Variants in EPHA7 observed in about 807,000 individuals in gnomAD.
EPHA7 encodes ephrin type-A receptor 7.
A neutral mutation model predicts 112.6 loss-of-function variants in EPHA7; 25 were observed. The observed-to-expected ratio is 0.22, with a 90% CI of 0.16 to 0.31. EPHA7 has a LOEUF of 0.31. EPHA7 is among the 10% of genes least tolerant of loss of function. The probability of loss-of-function intolerance (pLI) is 1.00; values close to 1 mark genes in which losing one functional copy is unlikely to be tolerated. For synonymous variants in EPHA7, 437 were observed against 406.5 expected (o/e 1.07, Z -0.90); for missense variants, 962 against 1,212.6 (o/e 0.79, Z 3.07).
Position 93,240,488 on chromosome 6 carries a change from G to A in EPHA7, c.*2938C>T. The A allele has an allele frequency of 4.6e-6, 1 of 218,232 alleles. No individual in the cohort carries two copies. Among genetic ancestry groups the A allele is most frequent in the Non-Finnish European group, 9.2e-6 (1 of 108,784 alleles). 13.5% of individuals were successfully genotyped at this position (218,232 alleles called of 1,614,324 possible). A position where few individuals can be genotyped will look rare whatever the true frequency, so the allele number is the denominator to read the frequency against. ...TATACAATATGATTCAACTAATAGT[G>A]CTCTGACAAGCATAAACCACCAGTT... On this transcript the variant is annotated 3_prime_UTR_variant, in exon 17 of 17. Transcript: ENST00000369303.
chr6:93,371,693 A>G (rs1318292854), intron 3 of EPHA7, among the ~76,000 whole-genome samples: 1 of 152,234 alleles, frequency 6.6e-6, no homozygotes, highest in East Asian at 1.9e-4. Flanking sequence ...AAAGGAAATG[A>G]AAAACTAGAA....
Position 93,394,214 on chromosome 6 carries a change from T to C in EPHA7, c.832+16287A>G, listed in dbSNP as rs541113232. On this transcript the variant is annotated intron_variant, in intron 3 of 16. Transcript: ENST00000369303. ...ATCGTACTACTTCAAAAATAATGGCTTCATTGGCTGAATTTAGTAGCTGTA... is the reference window on the plus strand; with the variant it reads ...ATCGTACTACTTCAAAAATAATGGCCTCATTGGCTGAATTTAGTAGCTGTA... Among the ~76,000 whole-genome samples the C allele has an allele frequency of 3.3e-5, 5 of 151,940 alleles. No individual in the cohort carries two copies. The East Asian group carries it at 5.8e-4, about 18-fold the overall frequency.
At chr6:93,248,779 G>T (rs1442213858) in intron 14 of EPHA7, among the ~76,000 whole-genome samples, 3 of 152,072 alleles carry the variant, frequency 2.0e-5, no homozygotes, top group Non-Finnish European at 4.4e-5. Flanking sequence ...GCTCACTGCA[G>T]CCTTGAACTC....
intron 1 of EPHA7, among the ~76,000 whole-genome samples, chr6:93,418,468 A>G (rs1423900168): frequency 6.6e-6 from 1 of 152,228 alleles, no homozygotes; most frequent in Non-Finnish European, 1.5e-5. Context: ...TGAGTCGCCC[A>G]GGCGGCATCC....
intron 5 of EPHA7, among the ~76,000 whole-genome samples, chr6:93,297,635 T>A (rs1772740283): frequency 6.6e-6 from 1 of 152,156 alleles, no homozygotes. Context: ...AGGTTCTTTG[T>A]AAGTGCCAGT....
At chr6:93,307,820 C>T (rs1773333737) in intron 5 of EPHA7, among the ~76,000 whole-genome samples, 1 of 152,142 alleles carries the variant, frequency 6.6e-6, no homozygotes. Context: ...CTCATCCATA[C>T]GTTGAGCTTG....
intron 14 of EPHA7, among the ~76,000 whole-genome samples, chr6:93,253,846 A>T (rs935619291): frequency 4.6e-5 from 7 of 152,048 alleles, no homozygotes; most frequent in African/African-American, 1.4e-4. Flanking sequence ...ATTTTCACTC[A>T]TATTTCAATA....
intron 12 of EPHA7, among the ~76,000 whole-genome samples, chr6:93,256,741 C>T (rs1770456484): frequency 6.6e-6 from 1 of 152,012 alleles, no homozygotes; most frequent in Non-Finnish European, 1.5e-5. Context: ...GATTAATTTT[C>T]TAGTTGATAC....
chr6:93,333,721 T>C (rs1020264547), intron 5 of EPHA7, among the ~76,000 whole-genome samples: 1 of 151,862 alleles, frequency 6.6e-6, no homozygotes, highest in Non-Finnish European at 1.5e-5. Context: ...AATAGGATTG[T>C]TTAATACTGC....
chr6:93,278,065 C>T (rs1389363517), intron 5 of EPHA7, among the ~76,000 whole-genome samples: 2 of 152,098 alleles, frequency 1.3e-5, no homozygotes, highest in East Asian at 3.9e-4. Flanking sequence ...TCTGACAATA[C>T]ATCTTTCTGA....
intron 5 of EPHA7, among the ~76,000 whole-genome samples, chr6:93,330,416 G>A (rs2127901088): frequency 6.6e-6 from 1 of 151,324 alleles, no homozygotes; most frequent in South Asian, 2.1e-4. Flanking sequence ...CTATAAGTTT[G>A]TGTATGTGAA....
rs1300929218 is a variant in EPHA7, at chr6:93,411,128, G to C, written c.205C>G (p.Arg69Gly). The C allele has an allele frequency of 6.2e-7, 1 of 1,613,698 alleles. No individual in the cohort carries two copies. The highest frequency in any genetic ancestry group is 1.3e-5 in the African/African-American group (1 of 75,016). ...ATGACTTGGCACACCTGGTATGTTC[G>C]TATCGGGGTATAGTTCTCATCCAAA... is the stretch of plus-strand genomic sequence containing the variant. ...SGLDENYTPI[R>G]TYQVCQVMEP... Residue 69 changes from arginine to glycine, a missense_variant, in exon 3 of 17, where the codon CGA (arginine) becomes GGA (glycine). By Grantham distance (125) the Arg-to-Gly change is moderately radical. This residue lies in a region of EPHA7 where 160 missense variants were observed against 263.6 expected (regional missense o/e 0.61). Transcript: ENST00000369303.
chr6:93,371,478 G>A (rs1347278166), intron 3 of EPHA7, among the ~76,000 whole-genome samples: 1 of 152,020 alleles, frequency 6.6e-6, no homozygotes, highest in Non-Finnish European at 1.5e-5. Context: ...TGGTATCCAA[G>A]GGGATCCTGT....
intron 3 of EPHA7, among the ~76,000 whole-genome samples, chr6:93,397,155 A>G (rs1778219501): frequency 6.6e-6 from 1 of 151,768 alleles, no homozygotes; most frequent in Non-Finnish European, 1.5e-5. Flanking sequence ...GAAGCCCATT[A>G]AAAAAATACA....
intron 5 of EPHA7, among the ~76,000 whole-genome samples, chr6:93,344,214 A>T (rs939700946): frequency 6.6e-6 from 1 of 151,668 alleles, no homozygotes; most frequent in African/African-American, 2.4e-5. Flanking sequence ...TATTAATGAT[A>T]CTATCTTAGA....
At chr6:93,247,803 C>T (rs113484767) in intron 14 of EPHA7, among the ~76,000 whole-genome samples, 7,698 of 151,878 alleles carry the variant, frequency 0.051, 653 homozygotes, top group African/African-American at 0.18. Context: ...ATATTATATC[C>T]AATAGCCTAA....
intron 14 of EPHA7, among the ~76,000 whole-genome samples, chr6:93,251,236 T>A (rs1770193876): frequency 6.6e-6 from 1 of 152,030 alleles, no homozygotes; most frequent in Admixed American, 6.6e-5. Context: ...AAGTCATAAA[T>A]CAGTGATGAC....
chr6:93,287,799 G>A (rs1232446837), intron 5 of EPHA7, among the ~76,000 whole-genome samples: 4 of 151,904 alleles, frequency 2.6e-5, no homozygotes, highest in Non-Finnish European at 5.9e-5. Context: ...CCTCAAGCAA[G>A]AGTCAAATTT....
intron 5 of EPHA7, among the ~76,000 whole-genome samples, chr6:93,293,209 T>C (rs902977606): frequency 1.3e-5 from 2 of 151,724 alleles, no homozygotes; most frequent in Admixed American, 1.3e-4. Flanking sequence ...CATAATTTAG[T>C]TTGCAAAATA....
Sources: allele counts gnomAD v4.1 joint callset (sites outside exome capture counted in the v4.1 genomes callset), GRCh38; gene constraint gnomAD v4.1.1; regional missense constraint gnomAD v4.1.1; transcripts MANE v1.5; gene names NCBI Gene and HGNC (gene_info 2026-07-23, HGNC 2026-07-21).